The following TUNAR variants were observed in gnomAD, a reference collection of about 807,000 sequenced individuals.
TUNAR encodes the protein transmembrane neural differentiation associated intracellular calcium regulator, also known as protein TUNAR.
intron 2 of TUNAR, among the ~76,000 whole-genome samples, chr14:95,894,882 C>T (rs1224312942): frequency 1.3e-5 from 2 of 152,208 alleles, no homozygotes; most frequent in Non-Finnish European, 2.9e-5. Flanking sequence ...ACCTCCTGTC[C>T]TCAGCCACAG....
rs144630002 is a variant in TUNAR at position 95,915,942 on chromosome 14, G to A, written c.13-6839G>A. Among the ~76,000 whole-genome samples, 175 of 152,280 alleles carry A rather than the reference G, an allele frequency of 1.1e-3. 1 individual carries two copies. The highest frequency in any genetic ancestry group is 4.0e-3 in the African/African-American group (165 of 41,550). On this transcript the variant is annotated intron_variant, in intron 2 of 2. Transcript: ENST00000678517. ...GTGGCTCCCTTCCTGGTTACCATGC[G>A]GGGCTTCTTTTGGCATTCAGCACAG...
At chr14:95,891,031 G>C (rs886609269) in intron 2 of TUNAR, among the ~76,000 whole-genome samples, 1 of 152,214 alleles carries the variant, frequency 6.6e-6, no homozygotes, top group Non-Finnish European at 1.5e-5. Context: ...GCTGAAGTTG[G>C]GGGGCAGGGA....
intron 2 of TUNAR, among the ~76,000 whole-genome samples, chr14:95,887,721 T>G (rs895574675): frequency 3.3e-4 from 50 of 152,222 alleles, no homozygotes; most frequent in Non-Finnish European, 1.0e-4. Context: ...CACCACCTTA[T>G]TGACTCACAT....
At chr14:95,906,962 T>C (rs1889435489) in intron 2 of TUNAR, among the ~76,000 whole-genome samples, 1 of 152,256 alleles carries the variant, frequency 6.6e-6, no homozygotes, top group Admixed American at 6.5e-5. Flanking sequence ...CCTGTATTTC[T>C]TTTGCATAAG....
chr14:95,907,550 G>T (rs1313732872), intron 2 of TUNAR, among the ~76,000 whole-genome samples: 1 of 152,170 alleles, frequency 6.6e-6, no homozygotes, highest in Non-Finnish European at 1.5e-5. Context: ...CCAAGTTCTT[G>T]TCCGGCATCC....
At chr14:95,925,249 A>G (rs955209940) in exon 3 of TUNAR, 4 of 152,264 alleles carry the variant, frequency 2.6e-5, no homozygotes, top group Admixed American at 1.3e-4. Context: ...TAGTGGAGTC[A>G]AGATCCAAAC....
chr14:95,914,105 T>C (rs1889564120), intron 2 of TUNAR, among the ~76,000 whole-genome samples: 1 of 152,178 alleles, frequency 6.6e-6, no homozygotes, highest in South Asian at 2.1e-4. Flanking sequence ...ATTGACAGCC[T>C]TGGAAGAGTG....
At chr14:95,894,269 T>C (rs1889224277) in intron 2 of TUNAR, among the ~76,000 whole-genome samples, 1 of 152,248 alleles carries the variant, frequency 6.6e-6, no homozygotes, top group South Asian at 2.1e-4. Context: ...TTCCCCTCTT[T>C]TGGGATCAGG....
chr14:95,921,635 G>C (rs557253620), intron 2 of TUNAR, among the ~76,000 whole-genome samples: 2 of 152,324 alleles, frequency 1.3e-5, no homozygotes, highest in African/African-American at 4.8e-5. Flanking sequence ...CAGATGACTA[G>C]TATCTGAAGG....
intron 2 of TUNAR, among the ~76,000 whole-genome samples, chr14:95,901,558 G>A (rs1373075748): frequency 1.3e-5 from 2 of 152,214 alleles, no homozygotes; most frequent in African/African-American, 4.8e-5. Flanking sequence ...CAGCCCCAAG[G>A]GTTGACAGCC....
At chr14:95,911,075 A>G (rs1889504485) in intron 2 of TUNAR, among the ~76,000 whole-genome samples, 1 of 152,212 alleles carries the variant, frequency 6.6e-6, no homozygotes, top group Non-Finnish European at 1.5e-5. Context: ...ACATCCATGT[A>G]CCTATTGCAT....
At chr14:95,887,582 G>C (rs746375455) in intron 2 of TUNAR, among the ~76,000 whole-genome samples, 29 of 152,306 alleles carry the variant, frequency 1.9e-4, no homozygotes, top group Non-Finnish European at 3.5e-4. Flanking sequence ...GGAATTGTTT[G>C]CAAACTTTCC....
At chr14:95,916,473 C>T (rs555166653) in intron 2 of TUNAR, among the ~76,000 whole-genome samples, 4 of 152,292 alleles carry the variant, frequency 2.6e-5, no homozygotes, top group South Asian at 2.1e-4. Context: ...TTTTCCTCGA[C>T]GCTGTGTGTT....
At chr14:95,876,889 T>TGAGGAGCCCCCGGGTGCCGCCCAG (rs1248163487) in exon 2 of TUNAR, 1 of 152,304 alleles carries the variant, frequency 6.6e-6, no homozygotes, top group Admixed American at 6.5e-5. Context: ...GCGCGGGGCA[T>TGAGGAGCCCCCGGGTGCCGCCCAG]GAGGAGCCCC....
At position 95,905,170 on chromosome 14, in the gene TUNAR, T is replaced by C. The variant is rs568692521; in HGVS notation, c.13-17611T>C. Reference sequence around the variant, plus strand: ...ATGTAGAAGTCATTTCCGCACCCAGTGGCCCCTCCCGTGAACATCTTATAT... The same window carrying C: ...ATGTAGAAGTCATTTCCGCACCCAGCGGCCCCTCCCGTGAACATCTTATAT... On this transcript the variant is annotated intron_variant, in intron 2 of 2. Transcript: ENST00000678517. Among the ~76,000 whole-genome samples the C allele has an allele frequency of 1.7e-4, 26 of 152,338 alleles. No homozygotes were observed. In the South Asian group the frequency reaches 5.0e-3, roughly 29 times the overall value.
At chr14:95,898,899 T>A (rs574925149) in intron 2 of TUNAR, among the ~76,000 whole-genome samples, 2 of 152,304 alleles carry the variant, frequency 1.3e-5, no homozygotes, top group African/African-American at 2.4e-5. Flanking sequence ...TTGAAAAAAG[T>A]CTAGCAGCTG....
chr14:95,882,825 T>G (rs1889002534), intron 2 of TUNAR, among the ~76,000 whole-genome samples: 1 of 152,242 alleles, frequency 6.6e-6, no homozygotes, highest in Admixed American at 6.5e-5. Context: ...CACTTCTTGA[T>G]TCTTTTAATT....
chr14:95,897,919 A>G (rs1432255007), intron 2 of TUNAR, among the ~76,000 whole-genome samples: 1 of 151,442 alleles, frequency 6.6e-6, no homozygotes, highest in Non-Finnish European at 1.5e-5. Flanking sequence ...CGCCTGTTCC[A>G]TTGAGCCTTT....
intron 2 of TUNAR, among the ~76,000 whole-genome samples, chr14:95,915,456 T>A (rs1451277339): frequency 6.6e-6 from 1 of 152,124 alleles, no homozygotes; most frequent in Non-Finnish European, 1.5e-5. Context: ...AAGACTAAGC[T>A]CCAGAGACAG....
Sources: gnomAD v4.1 joint callset for allele counts (sites outside exome capture counted in the v4.1 genomes callset) on GRCh38, gnomAD v4.1.1 for gene constraint, MANE v1.5 for transcripts, NCBI Gene and HGNC (gene_info 2026-07-23, HGNC 2026-07-21) for gene names.